The following DZIP3 variants were observed in gnomAD, a reference collection of about 807,000 sequenced individuals.
The protein encoded by DZIP3 is E3 ubiquitin-protein ligase DZIP3.
Under a neutral mutation model 162.0 loss-of-function variants are expected in DZIP3, and 118 were observed. The ratio of observed to expected loss-of-function variants is 0.73; its 90% CI spans 0.63 to 0.85. DZIP3 has a LOEUF of 0.85. Ranked by LOEUF, DZIP3 falls within the 40% of genes least tolerant of loss-of-function variation. DZIP3 has a pLI of 0.00. For synonymous variants in DZIP3, 438 were observed against 458.6 expected (o/e 0.96, Z 0.57); for missense variants, 1,331 against 1,407.0 (o/e 0.95, Z 0.86).
At chr3:108,671,259 T>C (rs1943917634) in intron 22 of DZIP3, among the ~76,000 whole-genome samples, 1 of 151,948 alleles carries the variant, frequency 6.6e-6, no homozygotes. Context: ...GCCTTAATGA[T>C]ATTTATAATG....
chr3:108,658,062 T>G (rs1943227700), intron 19 of DZIP3, among the ~76,000 whole-genome samples: 2 of 139,234 alleles, frequency 1.4e-5, no homozygotes, highest in South Asian at 4.4e-4. Context: ...CACCCCACTG[T>G]CAACATTAGA....
intron 30 of DZIP3, 23 bp downstream of exon 30, chr3:108,688,759 TGAACACATTTA>T: frequency 1.2e-6 from 2 of 1,613,904 alleles, no homozygotes; most frequent in Non-Finnish European, 1.7e-6. Context: ...TTTTTGATTC[TGAACACATTTA>T]GATTTGGGAG....
rs528481468 is a variant in DZIP3 at position 108,667,541 on chromosome 3, C to T, written c.2424-2140C>T. 7.2e-5 allele frequency among the ~76,000 whole-genome samples: 11 copies of T among 152,022 alleles called. 1 individual carries two copies. The highest frequency in any genetic ancestry group is 2.6e-4 in the Admixed American group (4 of 15,252). On this transcript the variant is annotated intron_variant, in intron 21 of 32. Transcript: ENST00000361582. ...CTTTAAAAGGGCAAAATGAAGGATC[C>T]CTGTGGTGATAGAACAGTTCAGTAT...
At chr3:108,594,866 T>C (rs1002430175) in intron 1 of DZIP3, among the ~76,000 whole-genome samples, 1 of 152,208 alleles carries the variant, frequency 6.6e-6, no homozygotes, top group Non-Finnish European at 1.5e-5. Flanking sequence ...TTTGTGTTTT[T>C]TTCTTCACAG....
At chr3:108,653,155 A>G (rs1214174552) in intron 18 of DZIP3, among the ~76,000 whole-genome samples, 2 of 151,894 alleles carry the variant, frequency 1.3e-5, no homozygotes. Context: ...CTACACAAGC[A>G]ATTGATTTCA....
At chr3:108,634,521 G>T (rs1942049372) in intron 9 of DZIP3, among the ~76,000 whole-genome samples, 1 of 152,074 alleles carries the variant, frequency 6.6e-6, no homozygotes, top group Non-Finnish European at 1.5e-5. Context: ...TGGAGCTGGG[G>T]ATGGAGGAAA....
At chr3:108,638,015 C>T (rs1942235061) in intron 12 of DZIP3, among the ~76,000 whole-genome samples, 1 of 151,994 alleles carries the variant, frequency 6.6e-6, no homozygotes, top group African/African-American at 2.4e-5. Context: ...AAAGTTTTCC[C>T]AGTCAATTGA....
chr3:108,686,727 A>C, intron 28 of DZIP3, 143 bp downstream of exon 28: 2 of 1,013,238 alleles, frequency 2.0e-6, no homozygotes, highest in East Asian at 3.0e-5. Flanking sequence ...TTGGTAAGGA[A>C]AAAGAAATTT....
At chr3:108,673,303 C>CA (rs1943991321) in intron 23 of DZIP3, among the ~76,000 whole-genome samples, 1 of 151,940 alleles carries the variant, frequency 6.6e-6, no homozygotes, top group Admixed American at 6.6e-5. Context: ...TGGAAGTCAG[C>CA]AACCAAGAAG....
intron 21 of DZIP3, 69 bp from the exon 22 acceptor site, chr3:108,669,612 G>C (rs1943845218): frequency 7.0e-7 from 1 of 1,419,592 alleles, no homozygotes; most frequent in African/African-American, 1.4e-5. Context: ...GCTGTAGTTA[G>C]AGCTCTTCTG....
At chr3:108,663,592 C>G (rs891824394) in intron 21 of DZIP3, among the ~76,000 whole-genome samples, 1 of 150,652 alleles carries the variant, frequency 6.6e-6, no homozygotes, top group African/African-American at 2.4e-5. Flanking sequence ...CTTCAGCATT[C>G]AAAACTTCAT....
intron 10 of DZIP3, among the ~76,000 whole-genome samples, chr3:108,636,290 G>A (rs984721942): frequency 6.6e-6 from 1 of 151,886 alleles, no homozygotes; most frequent in Non-Finnish European, 1.5e-5. Flanking sequence ...GAATCCTCAC[G>A]TATCTGATAG....
At chr3:108,620,896 A>T (rs1190976145) in intron 5 of DZIP3, among the ~76,000 whole-genome samples, 1 of 152,164 alleles carries the variant, frequency 6.6e-6, no homozygotes, top group African/African-American at 2.4e-5. Context: ...ATCTCGGCTC[A>T]CTGCAACCTC....
chr3:108,619,051 A>C (rs1941179021), intron 5 of DZIP3, among the ~76,000 whole-genome samples: 1 of 114,762 alleles, frequency 8.7e-6, no homozygotes, highest in African/African-American at 3.5e-5. Flanking sequence ...ACAGATTGAG[A>C]CTCCATCTCA....
intron 32 of DZIP3, among the ~76,000 whole-genome samples, chr3:108,692,904 A>G (rs1453914981): frequency 6.7e-6 from 1 of 148,814 alleles, no homozygotes. Flanking sequence ...TATTATATAA[A>G]AAGTTTTAAT....
intron 32 of DZIP3, among the ~76,000 whole-genome samples, chr3:108,691,588 A>C (rs1944698250): frequency 6.6e-6 from 1 of 152,084 alleles, no homozygotes; most frequent in Admixed American, 6.6e-5. Flanking sequence ...TACCTCTAGA[A>C]TGAGGGTCTT....
At chr3:108,608,065 A>G (rs1940480427) in intron 2 of DZIP3, 24 bp from the exon 3 acceptor site, 1 of 1,578,344 alleles carries the variant, frequency 6.3e-7, no homozygotes, top group Non-Finnish European at 8.7e-7. Context: ...TGCTCTTAAT[A>G]TACCTCATTT....
Position 108,674,090 on chromosome 3 carries a change from C to G in DZIP3, c.2602C>G (p.Gln868Glu). The change falls in exon 24 of 33, where the codon CAG becomes GAG. Residue 868 changes from glutamine to glutamate, a missense_variant. Around this residue, in one of 2 missense-constraint regions of DZIP3, gnomAD observed 1,278 missense variants for 1,317.1 expected, o/e 0.97. Coordinates refer to ENST00000361582, the MANE Select transcript of DZIP3 (RefSeq NM_014648.4). ...CAAAAACCTGTAGGTGTATTTCTTACAGTGTCGTAGGGATTTTGGTTTGCT... is the reference window on the plus strand; with the variant it reads ...CAAAAACCTGTAGGTGTATTTCTTAGAGTGTCGTAGGGATTTTGGTTTGCT... ...RALTAEVYFL[Q>E]CRRDFGLLHL... 2 of 1,611,360 alleles carry G rather than the reference C, an allele frequency of 1.2e-6. No individual in the cohort carries two copies. Among genetic ancestry groups the G allele is most frequent in the Non-Finnish European group, 1.7e-6 (2 of 1,178,418 alleles).
intron 26 of DZIP3, among the ~76,000 whole-genome samples, chr3:108,683,770 A>G (rs1944403909): frequency 6.6e-6 from 1 of 152,188 alleles, no homozygotes; most frequent in Non-Finnish European, 1.5e-5. Context: ...TTTTCTATGG[A>G]TAACTTTGGG....
Sources: allele counts gnomAD v4.1 joint callset (sites outside exome capture counted in the v4.1 genomes callset), GRCh38; gene constraint gnomAD v4.1.1; regional missense constraint gnomAD v4.1.1; transcripts MANE v1.5; gene names NCBI Gene and HGNC (gene_info 2026-07-23, HGNC 2026-07-21).